SYT9: variants seen among roughly 807,000 people sequenced by gnomAD.
SYT9 encodes the protein synaptotagmin 9, also known as synaptotagmin-9.
Under a neutral mutation model 48.4 loss-of-function variants are expected in SYT9, and 22 were observed. The ratio of observed to expected loss-of-function variants is 0.45; its 90% CI spans 0.32 to 0.65. The LOEUF (loss-of-function observed/expected upper bound fraction) is 0.65, where lower values mean the gene tolerates loss of function less well. Among genes scored for constraint, SYT9 ranks in the 30% least tolerant of loss-of-function variants. The pLI, the probability that SYT9 is intolerant of heterozygous loss-of-function variation, is 0.03. For synonymous variants in SYT9, 265 were observed against 245.0 expected, an observed-to-expected ratio of 1.08 and a Z score of -0.76; for missense variants, 577 against 622.0, an observed-to-expected ratio of 0.93 and a Z score of 0.77.
intron 3 of SYT9, among the ~76,000 whole-genome samples, chr11:7,328,840 T>C (rs1849480846): frequency 6.6e-6 from 1 of 152,188 alleles, no homozygotes; most frequent in South Asian, 2.1e-4. Context: ...CATTAATAAC[T>C]GAAAAAAACA....
chr11:7,390,100 C>A (rs1385725668), intron 3 of SYT9, among the ~76,000 whole-genome samples: 1 of 152,126 alleles, frequency 6.6e-6, no homozygotes, highest in Non-Finnish European at 1.5e-5. Flanking sequence ...TCGTCATTTA[C>A]ATTAGGTATT....
chr11:7,360,813 T>C (rs1850120417), intron 3 of SYT9, among the ~76,000 whole-genome samples: 2 of 152,214 alleles, frequency 1.3e-5, no homozygotes, highest in Admixed American at 1.3e-4. Flanking sequence ...GTATAAGATA[T>C]TGTCTCCTTG....
chr11:7,363,140 C>G (rs888752768), intron 3 of SYT9, among the ~76,000 whole-genome samples: 1 of 151,820 alleles, frequency 6.6e-6, no homozygotes, highest in African/African-American at 2.4e-5. Flanking sequence ...GCCCAAGATA[C>G]TATCATTTCT....
At chr11:7,268,460 A>T (rs2119818479) in intron 1 of SYT9, among the ~76,000 whole-genome samples, 1 of 152,118 alleles carries the variant, frequency 6.6e-6, no homozygotes, top group Admixed American at 6.5e-5. Context: ...AAAAATCTTG[A>T]TACCAATCTC....
At chr11:7,330,491 T>C (rs1250360203) in intron 3 of SYT9, among the ~76,000 whole-genome samples, 1 of 151,962 alleles carries the variant, frequency 6.6e-6, no homozygotes, top group Non-Finnish European at 1.5e-5. Context: ...AAAATCACTT[T>C]TTGAGGAGGA....
Position 7,382,352 on chromosome 11 carries a change from G to A in SYT9, c.1045-33690G>A, listed in dbSNP as rs551890745. Among the ~76,000 whole-genome samples, 5 of 152,236 alleles carry A rather than the reference G, an allele frequency of 3.3e-5. No individual in the cohort carries two copies. In the East Asian group the frequency reaches 5.8e-4, roughly 18 times the overall value. On this transcript the variant is annotated intron_variant, in intron 3 of 6. Transcript: ENST00000318881. ...TATAAATGTCATGACTTGCAGATGT[G>A]GGAAGCTGAGAGAAGAGGGGCAATA... is the stretch of plus-strand genomic sequence containing the variant.
chr11:7,450,511 C>G (rs534033321), intron 6 of SYT9: 1 of 152,350 alleles, frequency 6.6e-6, no homozygotes, highest in East Asian at 1.9e-4. Flanking sequence ...ACAAACTCAT[C>G]AGCAAGAAAT....
chr11:7,396,528 C>G (rs570801981), intron 3 of SYT9, among the ~76,000 whole-genome samples: 18 of 152,118 alleles, frequency 1.2e-4, no homozygotes, highest in Non-Finnish European at 2.6e-4. Context: ...GACATCTAGG[C>G]TTCTTTTCAG....
intron 3 of SYT9, among the ~76,000 whole-genome samples, chr11:7,360,755 A>G (rs1850119314): frequency 6.6e-6 from 1 of 152,230 alleles, no homozygotes; most frequent in South Asian, 2.1e-4. Flanking sequence ...TAGCTTCATA[A>G]AATGAATTGG....
chr11:7,413,590 G>A (rs143752699), intron 3 of SYT9, among the ~76,000 whole-genome samples: 210 of 152,224 alleles, frequency 1.4e-3, no homozygotes, highest in African/African-American at 2.0e-3. Flanking sequence ...CAAACCCCCC[G>A]AGCAGGCTAC....
chr11:7,334,319 T>G (rs888734510), intron 3 of SYT9, among the ~76,000 whole-genome samples: 1 of 152,152 alleles, frequency 6.6e-6, no homozygotes, highest in African/African-American at 2.4e-5. Flanking sequence ...AAATTTACTT[T>G]TTTAAAAAAT....
intron 6 of SYT9, among the ~76,000 whole-genome samples, chr11:7,434,691 C>T (rs1173709256): frequency 1.3e-5 from 2 of 152,116 alleles, no homozygotes; most frequent in Non-Finnish European, 2.9e-5. Context: ...AGGGTGACAT[C>T]AACATTGATA....
At chr11:7,353,717 A>G (rs1849963325) in intron 3 of SYT9, among the ~76,000 whole-genome samples, 2 of 152,114 alleles carry the variant, frequency 1.3e-5, no homozygotes, top group South Asian at 4.1e-4. Flanking sequence ...ATTTATATTA[A>G]GCTTTCCCTG....
At chr11:7,365,651 G>T (rs191604787) in intron 3 of SYT9, among the ~76,000 whole-genome samples, 4 of 152,288 alleles carry the variant, frequency 2.6e-5, no homozygotes, top group African/African-American at 4.8e-5. Flanking sequence ...TCTTCTCAGA[G>T]TATTTTCACC....
At chr11:7,316,260 A>G (rs1165737214) in intron 3 of SYT9, among the ~76,000 whole-genome samples, 2 of 152,072 alleles carry the variant, frequency 1.3e-5, no homozygotes, top group Non-Finnish European at 2.9e-5. Context: ...ATTGTCCTCT[A>G]TTGCATTCCC....
At chr11:7,349,382 A>AACACACACACACACACACAC (rs71056799) in intron 3 of SYT9, among the ~76,000 whole-genome samples, 102 of 148,270 alleles carry the variant, frequency 6.9e-4, no homozygotes, top group East Asian at 6.6e-3. Context: ...AAAATATACA[A>AACACACACACACACACACAC]ACACACACAC....
At chr11:7,342,993 C>G (rs987308189) in intron 3 of SYT9, among the ~76,000 whole-genome samples, 1 of 152,240 alleles carries the variant, frequency 6.6e-6, no homozygotes, top group Non-Finnish European at 1.5e-5. Flanking sequence ...ACCTTGACCC[C>G]TTTTAGCCAT....
chr11:7,438,454 A>C (rs1444879519), intron 6 of SYT9: 1 of 152,234 alleles, frequency 6.6e-6, no homozygotes, highest in Non-Finnish European at 1.5e-5. Context: ...CTCTTAGTAC[A>C]AGGGCAGAGG....
At chr11:7,422,121 G>T (rs901091653) in intron 6 of SYT9, among the ~76,000 whole-genome samples, 1 of 152,214 alleles carries the variant, frequency 6.6e-6, no homozygotes, top group Non-Finnish European at 1.5e-5. Flanking sequence ...GCCTCACCCA[G>T]TGTGGGCACC....
Sources: gnomAD v4.1 joint callset for allele counts (sites outside exome capture counted in the v4.1 genomes callset) on GRCh38, gnomAD v4.1.1 for gene constraint, MANE v1.5 for transcripts, NCBI Gene and HGNC (gene_info 2026-07-23, HGNC 2026-07-21) for gene names.